Variants in DLGAP5 observed in about 807,000 individuals in gnomAD.
The protein encoded by DLGAP5 is DLG associated protein 5.
In DLGAP5, 90 loss-of-function variants were observed where a neutral mutation model predicts 99.6. That is an observed-to-expected ratio of 0.90 (90% confidence interval 0.76 to 1.08). The LOEUF (loss-of-function observed/expected upper bound fraction) is 1.08. Among genes scored for constraint, DLGAP5 ranks in the 50% least tolerant of loss-of-function variants. DLGAP5 has a pLI of 0.00. For synonymous variants in DLGAP5, 311 were observed against 321.3 expected (o/e 0.97, Z 0.34); for missense variants, 1,036 against 983.5 (o/e 1.05, Z -0.71).
At chr14:55,157,208 T>C (rs1882242536) in intron 14 of DLGAP5, among the ~76,000 whole-genome samples, 1 of 152,162 alleles carries the variant, frequency 6.6e-6, no homozygotes, top group Admixed American at 6.5e-5. Context: ...AATGACCAAT[T>C]TTTGCCATAA....
chr14:55,149,401 T>C (rs1195994560), intron 18 of DLGAP5, among the ~76,000 whole-genome samples: 1 of 152,152 alleles, frequency 6.6e-6, no homozygotes, highest in Non-Finnish European at 1.5e-5. Context: ...CATTTCATTC[T>C]GCTCCTGAGA....
intron 12 of DLGAP5, among the ~76,000 whole-genome samples, chr14:55,166,871 T>C (rs369544241): frequency 3.3e-4 from 50 of 150,932 alleles, no homozygotes; most frequent in South Asian, 2.1e-3. Flanking sequence ...ATATAGCTCT[T>C]TTGTGTTTAA....
intron 1 of DLGAP5, among the ~76,000 whole-genome samples, chr14:55,189,614 G>C (rs1883541736): frequency 6.6e-6 from 1 of 152,152 alleles, no homozygotes; most frequent in African/African-American, 2.4e-5. Flanking sequence ...CCCCACACCA[G>C]GTACCTATTA....
At chr14:55,157,159 C>T (rs1351419925) in intron 14 of DLGAP5, among the ~76,000 whole-genome samples, 1 of 152,198 alleles carries the variant, frequency 6.6e-6, no homozygotes, top group African/African-American at 2.4e-5. Flanking sequence ...TAATTAGCCT[C>T]ATATCAACTA....
Position 55,177,193 on chromosome 14 carries a change from G to C in DLGAP5, c.918C>G (p.Ser306=), listed in dbSNP as rs756034801. 27 of 1,613,540 alleles carry C rather than the reference G, an allele frequency of 1.7e-5. No individual in the cohort carries two copies. The highest frequency in any genetic ancestry group is 1.7e-5 in the Admixed American group (1 of 59,910). ...INTAKIKGKN[S]FAPKDFMFQP... is the part of the protein sequence containing the mutation. ...GAAACATAAAATCCTTAGGTGCAAA[G>C]GAATTCTTCCCTTTTATTTTTGCAG... Residue 306 remains serine (S), a synonymous_variant, in exon 8 of 19, where the codon TCC becomes TCG. Coordinates refer to ENST00000247191, the MANE Select transcript of DLGAP5 (RefSeq NM_014750.5).
rs191431700 is a variant in DLGAP5 at position 55,179,555 on chromosome 14, T to C, written c.774+74A>G. ...TAACCTTTTGAAGCAGTTCTTTATG[T>C]TTAATTTCAACTTTATGAAAGTAGC... On this transcript the variant is annotated intron_variant, in intron 7 of 18. Coordinates refer to ENST00000247191, the MANE Select transcript of DLGAP5 (RefSeq NM_014750.5). 1,561 of 1,319,756 alleles carry C rather than the reference T, an allele frequency of 1.2e-3. 24 individuals are homozygous for C. The highest frequency in any genetic ancestry group is 7.8e-5 in the Non-Finnish European group (73 of 938,000). The allele number at this position is 1,319,756 out of a possible 1,614,324, so 81.8% of individuals were successfully genotyped here. A position where few individuals can be genotyped will look rare whatever the true frequency, so the allele number is the denominator to read the frequency against.
At chr14:55,188,823 G>T in intron 2 of DLGAP5, 119 bp downstream of exon 2, 24 of 577,104 alleles carry the variant, frequency 4.2e-5, no homozygotes, top group Middle Eastern at 5.0e-4. Context: ...AAAAAGGAAA[G>T]TTATTTATAG....
At chr14:55,174,221 C>T (rs1166781428) in intron 10 of DLGAP5, among the ~76,000 whole-genome samples, 5 of 152,166 alleles carry the variant, frequency 3.3e-5, no homozygotes, top group Non-Finnish European at 7.4e-5. Flanking sequence ...GTGAAATAGA[C>T]CCCAGTCTCC....
At chr14:55,163,784 T>C (rs559065842) in intron 12 of DLGAP5, among the ~76,000 whole-genome samples, 20 of 152,362 alleles carry the variant, frequency 1.3e-4, no homozygotes, top group African/African-American at 3.1e-4. Context: ...CATATGATGT[T>C]GAGCATCTTT....
At chr14:55,167,479 T>A (rs1397574986) in intron 12 of DLGAP5, among the ~76,000 whole-genome samples, 1 of 152,224 alleles carries the variant, frequency 6.6e-6, no homozygotes, top group African/African-American at 2.4e-5. Flanking sequence ...TGAGATTCCA[T>A]TTCCTTCCTC....
chr14:55,154,773 C>A lies in DLGAP5; in HGVS notation c.1907G>T (p.Arg636Ile), dbSNP rs1310802711. 2 of 1,613,956 alleles carry A rather than the reference C, an allele frequency of 1.2e-6. No individual in the cohort carries two copies. Among genetic ancestry groups the A allele is most frequent in the Non-Finnish European group, 1.7e-6 (2 of 1,180,014 alleles). The change falls in exon 15 of 19, where the codon AGA becomes ATA. Residue 636 changes from arginine (R) to isoleucine (I), a missense_variant. Transcript: ENST00000247191. ...GTTGACAGACTTAGGTGTTCCAAGT[C>A]TTTGAGAAGGGCCTTCAGAAGAGAC... Reference protein sequence around the residue: ...LSVSSEGPSQRLGTPKSVNKA... With the variant: ...LSVSSEGPSQILGTPKSVNKA...
intron 10 of DLGAP5, among the ~76,000 whole-genome samples, chr14:55,174,737 CTGGAG>C (rs1401951992): frequency 6.6e-6 from 1 of 151,586 alleles, no homozygotes; most frequent in East Asian, 1.9e-4. Context: ...TGTTGCCAGG[CTGGAG>C]TGCAGTGGTG....
chr14:55,169,175 CAA>C (rs34906311), intron 12 of DLGAP5, among the ~76,000 whole-genome samples: 973 of 63,864 alleles, frequency 0.015, 7 homozygotes, highest in African/African-American at 0.047. Context: ...GACTCCGTCT[CAA>C]AAAAAAAAAA....
In DLGAP5 at chr14:55,180,701, C is replaced by T. The variant is rs532075792; in HGVS notation, c.658G>A (p.Val220Ile). 5.5e-5 allele frequency: 89 copies of T among 1,614,188 alleles called. 1 individual carries two copies. The South Asian group carries it at 9.7e-4, about 18-fold the overall frequency. Residue 220 changes from valine to isoleucine, a missense_variant, in exon 6 of 19, where the codon GTC becomes ATC. Physicochemically the swap from Val to Ile is conservative, Grantham distance 29. Coordinates refer to ENST00000247191, the MANE Select transcript of DLGAP5 (RefSeq NM_014750.5). ...GGCTTTCTTGCTGTGGTAGATGAGA[C>T]TGTTCTGGGAACCTGCTTTGCTGCT... The part of the protein sequence containing the change: ...TQAAKQVPRT[V>I]SSTTARKPVT...
rs1204567273 is a variant in DLGAP5, at chr14:55,175,993, TTTC to T, written c.1072_1074del (p.Glu358del). On this transcript the variant is annotated inframe_deletion, in exon 9 of 19. Coordinates refer to ENST00000247191, the MANE Select transcript of DLGAP5 (RefSeq NM_014750.5). ...TAAGTTTTACATTTTTGTGCCAAAA[TTTC>T]TTTTGTTGCTTGAGACTCATCACTA... The T allele has an allele frequency of 1.9e-6, 3 of 1,592,988 alleles. No individual in the cohort carries two copies. The Admixed American group carries it at 5.0e-5, about 27-fold the overall frequency.
At position 55,158,583 on chromosome 14, in the gene DLGAP5, A is replaced by G. The variant is rs953412354; in HGVS notation, c.1812T>C (p.Val604=). ...ETAVSVIPKE[V]DKIVFDAGFF... is the part of the protein sequence containing the mutation. ...ATCCAGCATCGAACACTATTTTATC[A>G]ACTTCCTTTGGTATCACAGAAACTG... is the stretch of plus-strand genomic sequence containing the variant. Residue 604 remains valine, a synonymous_variant, in exon 14 of 19, where the codon GTT becomes GTC. Transcript: ENST00000247191. 1.9e-6 allele frequency: 3 copies of G among 1,614,110 alleles called. No homozygotes were observed. The highest frequency in any genetic ancestry group is 1.7e-5 in the Admixed American group (1 of 60,008).
intron 14 of DLGAP5, among the ~76,000 whole-genome samples, chr14:55,158,120 C>T (rs994364018): frequency 2.6e-5 from 4 of 152,180 alleles, no homozygotes; most frequent in African/African-American, 9.7e-5. Flanking sequence ...GCTCAAGTTT[C>T]CTTTGCATTA....
chr14:55,183,175 T>C (rs1335682023), intron 3 of DLGAP5, among the ~76,000 whole-genome samples: 1 of 152,190 alleles, frequency 6.6e-6, no homozygotes, highest in Non-Finnish European at 1.5e-5. Context: ...GTCTCACAAT[T>C]GGTCTCCCTA....
Position 55,189,023 on chromosome 14 carries a change from G to A in DLGAP5, c.157C>T (p.Pro53Ser), listed in dbSNP as rs182564694. Residue 53 changes from proline to serine, a missense_variant, in exon 2 of 19, where the codon CCA (proline) becomes TCA (serine). Pro to Ser is a moderately conservative substitution (Grantham distance 74). Transcript: ENST00000247191. Reference sequence around the variant, plus strand: ...ACAAGAATTCTACCTTCCAAGGTTGGAATGTTTACATCTTTCAAACCAAAG... The same window carrying A: ...ACAAGAATTCTACCTTCCAAGGTTGAAATGTTTACATCTTTCAAACCAAAG... ...RHFGLKDVNI[P>S]TLEGRILVEL... The A allele has an allele frequency of 1.5e-5, 24 of 1,613,864 alleles. No individual in the cohort carries two copies. Among genetic ancestry groups the A allele is most frequent in the Non-Finnish European group, 1.9e-5 (23 of 1,179,968 alleles).
Sources: allele counts gnomAD v4.1 joint callset (sites outside exome capture counted in the v4.1 genomes callset), GRCh38; gene constraint gnomAD v4.1.1; transcripts MANE v1.5; gene names NCBI Gene and HGNC (gene_info 2026-07-23, HGNC 2026-07-21).